The following SDK1 variants were observed in gnomAD, a reference collection of about 807,000 sequenced individuals.
The protein encoded by SDK1 is sidekick cell adhesion molecule 1.
SDK1 carries 157 observed loss-of-function variants against 245.5 expected under a neutral mutation model. The ratio of observed to expected loss-of-function variants is 0.64; its 90% CI spans 0.56 to 0.73. The LOEUF is 0.73. SDK1 is among the 30% of genes least tolerant of loss of function. The pLI, the probability that SDK1 is intolerant of heterozygous loss-of-function variation, is 0.00. For missense variants in SDK1, 3,583 were observed against 3,002.3 expected, an observed-to-expected ratio of 1.19 and a Z score of -4.52; for synonymous variants, 1,647 against 1,278.5, an observed-to-expected ratio of 1.29 and a Z score of -6.15.
chr7:3,456,600 T>C (rs1487928846), intron 1 of SDK1, among the ~76,000 whole-genome samples: 1 of 152,246 alleles, frequency 6.6e-6, no homozygotes, highest in East Asian at 1.9e-4. Context: ...TTTTTTGTTT[T>C]ATTTTTTTCC....
intron 22 of SDK1, among the ~76,000 whole-genome samples, chr7:4,102,395 T>C (rs978199677): frequency 5.9e-5 from 9 of 152,162 alleles, no homozygotes; most frequent in African/African-American, 2.2e-4. Context: ...CACCAGAGTT[T>C]CAGCCAGGCA....
At chr7:3,444,800 A>G (rs1340832621) in intron 1 of SDK1, among the ~76,000 whole-genome samples, 2 of 152,314 alleles carry the variant, frequency 1.3e-5, no homozygotes, top group South Asian at 2.1e-4. Flanking sequence ...TGCACAGATG[A>G]CTTTTTAAAA....
intron 17 of SDK1, among the ~76,000 whole-genome samples, chr7:4,044,291 C>T (rs1429595067): frequency 6.6e-6 from 1 of 152,202 alleles, no homozygotes; most frequent in Non-Finnish European, 1.5e-5. Context: ...ACTCCTACCG[C>T]TGCTCAGGGC....
At chr7:3,398,645 T>C (rs1297654286) in intron 1 of SDK1, among the ~76,000 whole-genome samples, 2 of 151,506 alleles carry the variant, frequency 1.3e-5, no homozygotes, top group Admixed American at 6.6e-5. Context: ...TTATTTATTA[T>C]TTTATTTTTA....
At chr7:3,559,919 T>A (rs1259098692) in intron 1 of SDK1, among the ~76,000 whole-genome samples, 2 of 152,196 alleles carry the variant, frequency 1.3e-5, no homozygotes, top group South Asian at 4.1e-4. Flanking sequence ...TTCAGGATGA[T>A]TGATGTTGAA....
chr7:3,961,148 T>C (rs1317374712), intron 8 of SDK1, among the ~76,000 whole-genome samples: 1 of 152,262 alleles, frequency 6.6e-6, no homozygotes, highest in Non-Finnish European at 1.5e-5. Context: ...ACTGCTGTCA[T>C]ATAATTTACT....
intron 37 of SDK1, 75 bp from the exon 38 acceptor site, chr7:4,209,950 C>T (rs975980936): frequency 4.3e-5 from 53 of 1,234,610 alleles, no homozygotes; most frequent in Middle Eastern, 4.0e-4. Context: ...TTATTCTATA[C>T]GGAGGCACAG....
At chr7:3,534,923 A>G (rs1409842388) in intron 1 of SDK1, among the ~76,000 whole-genome samples, 1 of 152,194 alleles carries the variant, frequency 6.6e-6, no homozygotes, top group African/African-American at 2.4e-5. Flanking sequence ...AGACAGCGCC[A>G]GTCAGTGGAC....
intron 1 of SDK1, among the ~76,000 whole-genome samples, chr7:3,444,195 G>A (rs561757541): frequency 7.0e-4 from 106 of 152,288 alleles, no homozygotes; most frequent in Non-Finnish European, 1.1e-3. Flanking sequence ...CTGAGCCCAA[G>A]TCTGCCAGCT....
At chr7:4,043,641 A>G (rs1788804786) in intron 17 of SDK1, among the ~76,000 whole-genome samples, 1 of 152,224 alleles carries the variant, frequency 6.6e-6, no homozygotes. Context: ...CCAGAACTTG[A>G]CGTGAGGATT....
chr7:4,075,585 T>G (rs888028115), intron 20 of SDK1, among the ~76,000 whole-genome samples: 8 of 152,082 alleles, frequency 5.3e-5, no homozygotes, highest in Non-Finnish European at 8.8e-5. Flanking sequence ...CACTTTTAAG[T>G]GCTCTCTGAT....
At chr7:3,509,741 T>C (rs1482559574) in intron 1 of SDK1, among the ~76,000 whole-genome samples, 1 of 152,174 alleles carries the variant, frequency 6.6e-6, no homozygotes, top group African/African-American at 2.4e-5. Flanking sequence ...ATGGGTGTTT[T>C]CTACCTTCGG....
chr7:3,733,106 C>T lies in SDK1; in HGVS notation c.714-88344C>T, dbSNP rs567114952. ...GGATATTAGGTAGTTCAGTGATGAG[C>T]TTAAAAGAGTTTGACAAGTTTCTTG... On this transcript the variant is annotated intron_variant, in intron 4 of 44. Transcript: ENST00000404826. Among the ~76,000 whole-genome samples the T allele has an allele frequency of 5.3e-4, 81 of 152,290 alleles. 3 individuals carry two copies. In the South Asian group the frequency reaches 0.016, roughly 31 times the overall value.
At chr7:4,149,210 T>C in intron 29 of SDK1, 52 bp from the exon 30 acceptor site, 1 of 1,412,662 alleles carries the variant, frequency 7.1e-7, no homozygotes, top group Non-Finnish European at 9.3e-7. Flanking sequence ...GGGATGTTCC[T>C]TGGGAAGGGC....
intron 22 of SDK1, among the ~76,000 whole-genome samples, chr7:4,098,164 C>A (rs1327862779): frequency 6.6e-6 from 1 of 152,136 alleles, no homozygotes; most frequent in East Asian, 1.9e-4. Flanking sequence ...TTTGTTCATT[C>A]ATCTGTCAGA....
At chr7:4,014,559 G>T (rs371983619) in intron 16 of SDK1, among the ~76,000 whole-genome samples, 134 of 152,332 alleles carry the variant, frequency 8.8e-4, no homozygotes, top group Non-Finnish European at 1.6e-3. Flanking sequence ...CTCTGTGTCA[G>T]ATCCGAGGCA....
At chr7:4,019,719 G>C (rs1786718562) in intron 17 of SDK1, among the ~76,000 whole-genome samples, 1 of 152,032 alleles carries the variant, frequency 6.6e-6, no homozygotes, top group African/African-American at 2.4e-5. Flanking sequence ...TCACTTGGGT[G>C]TTTGACATTG....
At chr7:3,672,278 T>C (rs1010727345) in intron 4 of SDK1, among the ~76,000 whole-genome samples, 32 of 152,048 alleles carry the variant, frequency 2.1e-4, no homozygotes, top group Non-Finnish European at 2.4e-4. Flanking sequence ...TGCCCAGTTA[T>C]TGTGAATACC....
At chr7:3,553,396 C>T (rs1779477594) in intron 1 of SDK1, among the ~76,000 whole-genome samples, 1 of 151,938 alleles carries the variant, frequency 6.6e-6, no homozygotes, top group Non-Finnish European at 1.5e-5. Context: ...ATGATAGACC[C>T]CAGAAATAAT....
Sources: gnomAD v4.1 joint callset for allele counts (sites outside exome capture counted in the v4.1 genomes callset) on GRCh38, gnomAD v4.1.1 for gene constraint, MANE v1.5 for transcripts, NCBI Gene and HGNC (gene_info 2026-07-23, HGNC 2026-07-21) for gene names.